The following LMOD2 variants were observed in gnomAD, a reference collection of about 807,000 sequenced individuals.
The protein encoded by LMOD2 is leiomodin-2.
Under a neutral mutation model 41.7 loss-of-function variants are expected in LMOD2, and 27 were observed. That is an observed-to-expected ratio of 0.65 (90% CI 0.48 to 0.89). The LOEUF is 0.89. LMOD2 is among the 40% of genes least tolerant of loss of function. The pLI is 0.00. For missense variants in LMOD2, 624 were observed against 667.9 expected (o/e 0.93, Z 0.72); for synonymous variants, 251 against 244.6 (o/e 1.03, Z -0.25).
chr7:123,658,910 A>G (rs1005170245), intron 1 of LMOD2, among the ~76,000 whole-genome samples: 1 of 152,206 alleles, frequency 6.6e-6, no homozygotes, highest in Non-Finnish European at 1.5e-5. Context: ...ATTATGACAC[A>G]CAGTAAAACT....
At chr7:123,656,911 A>G (rs753676374) in intron 1 of LMOD2, among the ~76,000 whole-genome samples, 4 of 152,212 alleles carry the variant, frequency 2.6e-5, no homozygotes, top group African/African-American at 2.4e-5. Flanking sequence ...TTGATAAGTT[A>G]TGAACCTTCT....
rs1161549509 is a variant in LMOD2, at chr7:123,662,580, G to C, written c.994G>C (p.Gly332Arg). The change falls in exon 2 of 3, where the codon GGA (glycine) becomes CGA (arginine). Residue 332 changes from glycine (G) to arginine (R), a missense_variant. Transcript: ENST00000458573. This position sits in a 1 kb window ranked among gnomAD's most constrained non-coding sequence, Gnocchi z 4.0. ...GGAGAACACGACGCTGCTGAGGCTGGGATACCATTTTGAACTCCCAGGACC... is the reference window on the plus strand; with the variant it reads ...GGAGAACACGACGCTGCTGAGGCTGCGATACCATTTTGAACTCCCAGGACC... ...LKENTTLLRL[G>R]YHFELPGPRM... 1 of 1,613,894 alleles carries C rather than the reference G, an allele frequency of 6.2e-7. No individual in the cohort carries two copies. The highest frequency in any genetic ancestry group is 1.1e-5 in the South Asian group (1 of 91,082).
rs1802929538 is a variant in LMOD2 at position 123,663,788 on chromosome 7, T to C, written c.*43T>C. The stretch of plus-strand genomic sequence containing the variant: ...GAGGATGCAGAACTGTTCAGTGGTA[T>C]TACATGAAATGCATTGTGAGATGTT... On this transcript the variant is annotated 3_prime_UTR_variant, in exon 3 of 3. Coordinates refer to ENST00000458573, the MANE Select transcript of LMOD2 (RefSeq NM_207163.3). The C allele has an allele frequency of 6.6e-7, 1 of 1,511,256 alleles. No homozygotes were observed. The highest frequency in any genetic ancestry group is 9.0e-7 in the Non-Finnish European group (1 of 1,109,304). 93.6% of individuals were successfully genotyped at this position (1,511,256 alleles called of 1,614,324 possible). A position where few individuals can be genotyped will look rare whatever the true frequency, so the allele number is the denominator to read the frequency against.
intron 1 of LMOD2, among the ~76,000 whole-genome samples, chr7:123,657,525 G>A (rs561026362): frequency 6.8e-4 from 103 of 152,264 alleles, no homozygotes; most frequent in African/African-American, 2.4e-3. Flanking sequence ...TAGAAGGGGT[G>A]TGTTAGAAGG....
chr7:123,656,288 C>G, intron 1 of LMOD2, 52 bp downstream of exon 1: 3 of 1,525,142 alleles, frequency 2.0e-6, no homozygotes, highest in Non-Finnish European at 2.7e-6. Context: ...ATCACCCCAT[C>G]CCAAACCCAG....
intron 1 of LMOD2, among the ~76,000 whole-genome samples, chr7:123,657,184 C>T (rs148394632): frequency 2.0e-5 from 3 of 152,078 alleles, no homozygotes; most frequent in Non-Finnish European, 4.4e-5. Flanking sequence ...AGAAGGAAGT[C>T]CAAAAGACTA....
chr7:123,663,585 T>TG, intron 2 of LMOD2, 134 bp from the exon 3 acceptor site: 1 of 734,786 alleles, frequency 1.4e-6, no homozygotes. Context: ...ATTTATAATG[T>TG]GGTAAAAAAA....
intron 1 of LMOD2, among the ~76,000 whole-genome samples, chr7:123,661,095 A>G (rs928733493): frequency 5.9e-5 from 9 of 152,190 alleles, no homozygotes; most frequent in Admixed American, 5.2e-4. Flanking sequence ...TTTTCTCTGC[A>G]TCGAACTGGA....
At chr7:123,656,725 G>T (rs1043713007) in intron 1 of LMOD2, among the ~76,000 whole-genome samples, 1 of 152,186 alleles carries the variant, frequency 6.6e-6, no homozygotes, top group African/African-American at 2.4e-5. Flanking sequence ...ACCAAGAAGT[G>T]TGGGGTGGTG....
chr7:123,662,804 AGTCCAGACTGTGAGGAGCC>A lies in LMOD2; in HGVS notation c.1223_1241del (p.Gln408LeufsTer80), dbSNP rs758136631. On this transcript the variant is annotated frameshift_variant, in exon 2 of 3. Transcript: ENST00000458573. LOFTEE classifies it high-confidence loss of function. This position sits in a 1 kb window ranked among gnomAD's most constrained non-coding sequence, Gnocchi z 4.0. The stretch of plus-strand genomic sequence containing the variant: ...GGTCATCCCCAAAACTCCCCAAAAA[AGTCCAGACTGTGAGGAGCC>A]GTCCTCTGTCTCCTGTGGCCACACC... 3.1e-6 allele frequency: 5 copies of A among 1,613,626 alleles called. No individual in the cohort carries two copies. The highest frequency in any genetic ancestry group is 4.2e-6 in the Non-Finnish European group (5 of 1,179,828).
Position 123,662,855 on chromosome 7 carries a change from TCCTCCC to T in LMOD2, c.1275_1280del (p.Pro432_Pro433del). ...TGTCTCCTGTGGCCACACCTCCTCC[TCCTCCC>T]CCTCCTCCTCCTCCTCCCCCTCCTT... On this transcript the variant is annotated inframe_deletion, in exon 2 of 3. Coordinates refer to ENST00000458573, the MANE Select transcript of LMOD2 (RefSeq NM_207163.3). This position sits in a 1 kb window ranked among gnomAD's most constrained non-coding sequence, Gnocchi z 4.0. 6.4e-7 allele frequency: 1 copy of T among 1,570,094 alleles called. No homozygotes were observed. The highest frequency in any genetic ancestry group is 8.6e-7 in the Non-Finnish European group (1 of 1,158,942).
rs145630751 is a variant in LMOD2 at position 123,661,234 on chromosome 7, C to T, written c.274-626C>T. ...CTGTGGTAGAGCCCTGTGCCGGGCTCTACCGTAGAAGCAGATAAATAAATG... is the reference window on the plus strand; with the variant it reads ...CTGTGGTAGAGCCCTGTGCCGGGCTTTACCGTAGAAGCAGATAAATAAATG... On this transcript the variant is annotated intron_variant, in intron 1 of 2. Coordinates refer to ENST00000458573, the MANE Select transcript of LMOD2 (RefSeq NM_207163.3). Among the ~76,000 whole-genome samples, 402 of 152,290 alleles carry T rather than the reference C, an allele frequency of 2.6e-3. 2 individuals are homozygous for T. The highest frequency in any genetic ancestry group is 9.0e-3 in the African/African-American group (376 of 41,570).
chr7:123,663,789 T>C lies in LMOD2; in HGVS notation c.*44T>C. On this transcript the variant is annotated 3_prime_UTR_variant, in exon 3 of 3. Transcript: ENST00000458573. ...AGGATGCAGAACTGTTCAGTGGTATTACATGAAATGCATTGTGAGATGTTT... is the reference window on the plus strand; with the variant it reads ...AGGATGCAGAACTGTTCAGTGGTATCACATGAAATGCATTGTGAGATGTTT... 6.6e-7 allele frequency: 1 copy of C among 1,513,060 alleles called. No individual in the cohort carries two copies. The highest frequency in any genetic ancestry group is 9.0e-7 in the Non-Finnish European group (1 of 1,110,198). 93.7% of individuals were successfully genotyped at this position (1,513,060 alleles called of 1,614,324 possible). A position where few individuals can be genotyped will look rare whatever the true frequency, so the allele number is the denominator to read the frequency against.
Position 123,663,963 on chromosome 7 carries a change from G to A in LMOD2, c.*218G>A, listed in dbSNP as rs1802931756. 1.9e-6 allele frequency: 1 copy of A among 519,062 alleles called. No homozygotes were observed. The highest frequency in any genetic ancestry group is 3.6e-5 in the Admixed American group (1 of 27,742). The allele number at this position is 519,062 out of a possible 1,614,324, so 32.2% of individuals were successfully genotyped here. A position where few individuals can be genotyped will look rare whatever the true frequency, so the allele number is the denominator to read the frequency against. On this transcript the variant is annotated 3_prime_UTR_variant, in exon 3 of 3. Transcript: ENST00000458573. ...TTTTTATGTCGTGAGATTTGTATTG[G>A]CAAGAAGCAGTTAATTTAAAGATGC...
Position 123,663,869 on chromosome 7 carries a change from C to T in LMOD2, c.*124C>T. ...CCCTGACTTTAAAAATAATCTCACC[C>T]ATTAATTCCAAAGAGAATCTTAAGA... On this transcript the variant is annotated 3_prime_UTR_variant, in exon 3 of 3. Coordinates refer to ENST00000458573, the MANE Select transcript of LMOD2 (RefSeq NM_207163.3). 1 of 718,716 alleles carries T rather than the reference C, an allele frequency of 1.4e-6. No individual in the cohort carries two copies. Among genetic ancestry groups the T allele is most frequent in the Non-Finnish European group, 2.3e-6 (1 of 437,566 alleles). The allele number at this position is 718,716 out of a possible 1,614,324, so 44.5% of individuals were successfully genotyped here.
intron 1 of LMOD2, among the ~76,000 whole-genome samples, chr7:123,660,806 A>T (rs1248886295): frequency 6.6e-6 from 1 of 152,166 alleles, no homozygotes; most frequent in African/African-American, 2.4e-5. Context: ...TTGTACAGCA[A>T]ATCTTGTAAA....
rs1562951770 is a variant in LMOD2 at position 123,663,032 on chromosome 7, G to T, written c.1446G>T (p.Gly482=). Residue 482 remains glycine, a synonymous_variant, in exon 2 of 3, where the codon GGG becomes GGT. Transcript: ENST00000458573. ...AAAATGGACAAAAAAAGAAAAAAGG[G>T]AAAAAGGTCAAGAAACAGCCAAACA... ...ALQNGQKKKK[G]KKVKKQPNSI... 1.3e-6 allele frequency: 2 copies of T among 1,552,508 alleles called. No individual in the cohort carries two copies. The highest frequency in any genetic ancestry group is 1.4e-5 in the African/African-American group (1 of 72,766).
In LMOD2 at chr7:123,661,970, A is replaced by G. The variant is rs1410984557; in HGVS notation, c.384A>G (p.Glu128=). 2.6e-6 allele frequency: 4 copies of G among 1,558,448 alleles called. No individual in the cohort carries two copies. The change falls in exon 2 of 3, where the codon GAA becomes GAG. Residue 128 remains glutamate, a synonymous_variant. Coordinates refer to ENST00000458573, the MANE Select transcript of LMOD2 (RefSeq NM_207163.3). ...AGGAGGAGGAGGAGTCCCAGGAGGAAGAGGAGGAAGAAGACAGTGACGAAG... is the reference window on the plus strand; with the variant it reads ...AGGAGGAGGAGGAGTCCCAGGAGGAGGAGGAGGAAGAAGACAGTGACGAAG... ...TEEEEEESQE[E]EEEEDSDEEE...
chr7:123,662,687 G>A lies in LMOD2; in HGVS notation c.1101G>A (p.Glu367=). 2 of 1,613,984 alleles carry A rather than the reference G, an allele frequency of 1.2e-6. No homozygotes were observed. The highest frequency in any genetic ancestry group is 1.7e-6 in the Non-Finnish European group (2 of 1,179,884). The change falls in exon 2 of 3, where the codon GAG becomes GAA. Residue 367 remains glutamate, a synonymous_variant. Transcript: ENST00000458573. This position sits in a 1 kb window ranked among gnomAD's most constrained non-coding sequence, Gnocchi z 4.0. ...GTTTGCAGGAGCAAAAACAGCAGGA[G>A]GGATACGATGGAGGACCCAATCTTA... The part of the protein sequence containing the change: ...QKRLQEQKQQ[E]GYDGGPNLRT...
Sources: gnomAD v4.1 joint callset for allele counts (sites outside exome capture counted in the v4.1 genomes callset) on GRCh38, gnomAD v4.1.1 for gene constraint, Gnocchi (gnomAD v3.1) non-coding constraint, MANE v1.5 for transcripts, NCBI Gene and HGNC (gene_info 2026-07-23, HGNC 2026-07-21) for gene names.